HYDIN: variants seen among roughly 807,000 people sequenced by gnomAD.
HYDIN encodes HYDIN axonemal central pair apparatus protein, also known as axonemal central pair apparatus protein HYDIN.
A neutral mutation model predicts 403.9 loss-of-function variants in HYDIN; 132 were observed. The ratio of observed to expected loss-of-function variants is 0.33; its 90% CI spans 0.28 to 0.38. HYDIN has a LOEUF of 0.38. Ranked by LOEUF, HYDIN falls within the 10% of genes least tolerant of loss-of-function variation. HYDIN has a pLI of 1.00. For missense variants in HYDIN, 2,827 were observed against 5,009.5 expected (o/e 0.56, Z 13.15); for synonymous variants, 1,202 against 1,891.7 (o/e 0.64, Z 9.46).
At chr16:70,816,002 G>A (rs973124039) in intron 84 of HYDIN, among the ~76,000 whole-genome samples, 1 of 151,186 alleles carries the variant, frequency 6.6e-6, no homozygotes, top group African/African-American at 2.4e-5. Flanking sequence ...CCAGCTACTC[G>A]GGAGGCTGAG....
At chr16:71,212,365 C>T (rs1196506169) in intron 1 of HYDIN, among the ~76,000 whole-genome samples, 1 of 152,062 alleles carries the variant, frequency 6.6e-6, no homozygotes, top group Non-Finnish European at 1.5e-5. Flanking sequence ...GAAAGAGAAC[C>T]ACGAGCAAAT....
intron 34 of HYDIN, 74 bp downstream of exon 34, chr16:70,973,754 GC>G: frequency 6.7e-7 from 1 of 1,499,066 alleles, no homozygotes; most frequent in South Asian, 1.3e-5. Context: ...AATGATGAGC[GC>G]CAAGACCTAG....
intron 11 of HYDIN, among the ~76,000 whole-genome samples, chr16:71,089,022 G>C (rs867191003): frequency 7.6e-6 from 1 of 131,288 alleles, no homozygotes; most frequent in African/African-American, 3.0e-5. Flanking sequence ...CAGATGACAA[G>C]GGTTCTCTTT....
chr16:70,831,664 C>G (rs2037008460), intron 80 of HYDIN, among the ~76,000 whole-genome samples: 1 of 136,918 alleles, frequency 7.3e-6, no homozygotes, highest in Non-Finnish European at 1.5e-5. Flanking sequence ...TTTATGGTGT[C>G]AAATGCTCCC....
chr16:70,890,817 A>G (rs1012704593), intron 57 of HYDIN, among the ~76,000 whole-genome samples: 1 of 152,026 alleles, frequency 6.6e-6, no homozygotes, highest in African/African-American at 2.4e-5. Context: ...TCATGGGGAG[A>G]AGGCAATAAT....
intron 20 of HYDIN, among the ~76,000 whole-genome samples, chr16:71,026,594 T>A (rs1460930875): frequency 6.6e-6 from 1 of 152,104 alleles, no homozygotes; most frequent in Non-Finnish European, 1.5e-5. Context: ...AGCACAGTAT[T>A]TGTCACATGG....
intron 73 of HYDIN, chr16:70,852,915 T>G (rs1287131665): frequency 1.3e-5 from 2 of 152,152 alleles, no homozygotes; most frequent in Non-Finnish European, 1.5e-5. Context: ...GCCTCATTCC[T>G]GTAATCCCAG....
At chr16:71,004,905 A>G (rs929875441) in intron 23 of HYDIN, among the ~76,000 whole-genome samples, 1 of 152,098 alleles carries the variant, frequency 6.6e-6, no homozygotes, top group African/African-American at 2.4e-5. Flanking sequence ...TTATAAGACC[A>G]TTTAGATTTC....
At chr16:71,106,597 G>T (rs1410721829) in intron 10 of HYDIN, among the ~76,000 whole-genome samples, 2 of 152,150 alleles carry the variant, frequency 1.3e-5, no homozygotes, top group Non-Finnish European at 2.9e-5. Context: ...AGTTGGAGAC[G>T]TGGGTTAAAT....
intron 5 of HYDIN, among the ~76,000 whole-genome samples, chr16:71,173,022 AG>A (rs1360243551): frequency 6.6e-6 from 1 of 152,208 alleles, no homozygotes; most frequent in African/African-American, 2.4e-5. Flanking sequence ...GATGTCTCTA[AG>A]GAAGACTTTC....
intron 28 of HYDIN, among the ~76,000 whole-genome samples, chr16:70,984,327 G>A (rs1023627228): frequency 5.3e-5 from 8 of 151,482 alleles, no homozygotes; most frequent in Non-Finnish European, 8.8e-5. Flanking sequence ...AGGAGGCAGC[G>A]GTTGCAGTGA....
chr16:70,807,376 A>G lies in HYDIN; in HGVS notation c.*204T>C. 1 of 561,110 alleles carries G rather than the reference A, an allele frequency of 1.8e-6. No homozygotes were observed. The highest frequency in any genetic ancestry group is 3.0e-6 in the Non-Finnish European group (1 of 330,416). 34.8% of individuals were successfully genotyped at this position (561,110 alleles called of 1,614,324 possible). ...AAGGATTCAGTTGTCTAAAATATAG[A>G]GCTGTTGTGTGTAGTTATAATGTTT... On this transcript the variant is annotated 3_prime_UTR_variant, in exon 86 of 86. Coordinates refer to ENST00000393567, the MANE Select transcript of HYDIN (RefSeq NM_001270974.2).
chr16:71,206,572 C>T (rs1326887129), intron 1 of HYDIN, among the ~76,000 whole-genome samples: 4 of 152,112 alleles, frequency 2.6e-5, no homozygotes. Context: ...CTTAACCAGA[C>T]TGAGATGGCT....
chr16:71,081,012 C>G (rs2082769631), intron 12 of HYDIN: 1 of 151,768 alleles, frequency 6.6e-6, no homozygotes, highest in African/African-American at 2.4e-5. Flanking sequence ...CTAGAGCCTT[C>G]AGAAGGAAAC....
chr16:70,913,345 T>A (rs7404390), intron 47 of HYDIN, among the ~76,000 whole-genome samples: 2 of 151,916 alleles, frequency 1.3e-5, no homozygotes. Context: ...CATTCAGTTC[T>A]ATGAAGTTTT....
rs1468287015 is a variant in HYDIN at position 70,860,162 on chromosome 16, CAGA to C, written c.12032_12034del (p.Phe4011del). 2 of 1,613,888 alleles carry C rather than the reference CAGA, an allele frequency of 1.2e-6. No individual in the cohort carries two copies. Among genetic ancestry groups the C allele is most frequent in the African/African-American group, 2.7e-5 (2 of 74,894 alleles). ...ACTTTCAATTTCTTCAGAGATCCAGCAGAAGGAGTAGGTGCTATTGGTTGGGTT... is the reference window on the plus strand; with the variant it reads ...ACTTTCAATTTCTTCAGAGATCCAGCAGGAGTAGGTGCTATTGGTTGGGTT... On this transcript the variant is annotated inframe_deletion, in exon 71 of 86. Transcript: ENST00000393567.
rs1277938742 is a variant in HYDIN at position 70,923,490 on chromosome 16, G to A, written c.7159-2273C>T. 1.6e-3 allele frequency among the ~76,000 whole-genome samples: 127 copies of A among 77,504 alleles called. 1 individual carries two copies. Among genetic ancestry groups the A allele is most frequent in the African/African-American group, 4.0e-3 (84 of 20,886 alleles). 50.8% of individuals were successfully genotyped at this position (77,504 alleles called of 152,430 possible). On this transcript the variant is annotated intron_variant, in intron 45 of 85. Coordinates refer to ENST00000393567, the MANE Select transcript of HYDIN (RefSeq NM_001270974.2). ...TCTCCAAAAAAAAAAAAAAAAAAAA[G>A]AAAGAAGGATATTATTAAAAAATAA... is the stretch of plus-strand genomic sequence containing the variant.
intron 80 of HYDIN, among the ~76,000 whole-genome samples, chr16:70,831,286 G>A (rs756016915): frequency 6.6e-6 from 1 of 151,922 alleles, no homozygotes; most frequent in South Asian, 2.1e-4. Context: ...AAGTTGAGTG[G>A]ATTGCCTGAG....
chr16:71,146,545 ATCTAT>A (rs1173692002), intron 7 of HYDIN, among the ~76,000 whole-genome samples: 4 of 65,034 alleles, frequency 6.2e-5, no homozygotes, highest in African/African-American at 9.3e-5. Flanking sequence ...GTTCAAATAT[ATCTAT>A]AATTGCATTT....
Sources: allele counts gnomAD v4.1 joint callset (sites outside exome capture counted in the v4.1 genomes callset), GRCh38; gene constraint gnomAD v4.1.1; transcripts MANE v1.5; gene names NCBI Gene and HGNC (gene_info 2026-07-23, HGNC 2026-07-21).